ZNF737: variants seen among roughly 807,000 people sequenced by gnomAD.
ZNF737 encodes zinc finger protein 737.
ZNF737 carries 13 observed loss-of-function variants against 11.7 expected under a neutral mutation model. The observed-to-expected ratio is 1.11, with a 90% CI of 0.73 to 1.77. The LOEUF is 1.77. Ranked by LOEUF, ZNF737 falls within the 40% of genes most tolerant of loss-of-function variation. ZNF737 has a pLI of 0.00. For missense variants in ZNF737, 636 were observed against 638.0 expected (o/e 1.00, Z 0.03); for synonymous variants, 217 against 216.2 (o/e 1.00, Z -0.03).
chr19:20,549,350 C>A (rs1244221528), intron 3 of ZNF737, among the ~76,000 whole-genome samples: 2 of 152,084 alleles, frequency 1.3e-5, no homozygotes, highest in East Asian at 3.9e-4. Context: ...TACACTGAGG[C>A]CAGAGGCAGT....
chr19:20,541,739 A>AT lies in ZNF737; in HGVS notation c.*2852dup, dbSNP rs549341071. 8.5e-5 allele frequency among the ~76,000 whole-genome samples: 13 copies of AT among 152,292 alleles called. No individual in the cohort carries two copies. The South Asian group carries it at 2.5e-3, about 29-fold the overall frequency. ...CTGTGCCTGGCCGTATTTTATTTAC[A>AT]TTTTTGTATAATTATTATGATCATA... is the stretch of plus-strand genomic sequence containing the variant. On this transcript the variant is annotated 3_prime_UTR_variant, in exon 4 of 4. Transcript: ENST00000427401.
chr19:20,562,340 A>ATTTT (rs56851244), intron 1 of ZNF737, among the ~76,000 whole-genome samples: 1 of 123,752 alleles, frequency 8.1e-6, no homozygotes, highest in African/African-American at 3.0e-5. Context: ...CACCTGGCTA[A>ATTTT]TTTTTTTTTT....
At position 20,542,393 on chromosome 19, in the gene ZNF737, T is replaced by A. The variant is rs570771279; in HGVS notation, c.*2199A>T. ...ACAGGCATGCACCACCATGCCTGGCTAATTTTTTTTGTATTTTTAGTAGAG... is the reference window on the plus strand; with the variant it reads ...ACAGGCATGCACCACCATGCCTGGCAAATTTTTTTTGTATTTTTAGTAGAG... On this transcript the variant is annotated 3_prime_UTR_variant, in exon 4 of 4. Coordinates refer to ENST00000427401, the MANE Select transcript of ZNF737 (RefSeq NM_001159293.2). 1 of 353,638 alleles carries A rather than the reference T, an allele frequency of 2.8e-6. No individual in the cohort carries two copies. Among genetic ancestry groups the A allele is most frequent in the Admixed American group, 6.5e-5 (1 of 15,476 alleles). 21.9% of individuals were successfully genotyped at this position (353,638 alleles called of 1,614,324 possible). A position where few individuals can be genotyped will look rare whatever the true frequency, so the allele number is the denominator to read the frequency against.
At chr19:20,534,291 A>G (rs1290239866), downstream of ZNF737, among the ~76,000 whole-genome samples, 2 of 149,706 alleles carry the variant, frequency 1.3e-5, no homozygotes, top group African/African-American at 2.5e-5. Context: ...AAAATACATA[A>G]ATTAGCCAGG....
At position 20,538,604 on chromosome 19, in the gene ZNF737, G is replaced by A. The variant is rs1275002237; in HGVS notation, c.*5988C>T. ...TAAGAAAAATTAAATTTATTTTCAAGTGCTATTTCTTTACAGCTCCAGAGA... is the reference window on the plus strand; with the variant it reads ...TAAGAAAAATTAAATTTATTTTCAAATGCTATTTCTTTACAGCTCCAGAGA... On this transcript the variant is annotated 3_prime_UTR_variant, in exon 4 of 4. Coordinates refer to ENST00000427401, the MANE Select transcript of ZNF737 (RefSeq NM_001159293.2). 11 of 968,490 alleles carry A rather than the reference G, an allele frequency of 1.1e-5. No homozygotes were observed. The highest frequency in any genetic ancestry group is 1.2e-5 in the Non-Finnish European group (10 of 814,634). The allele number at this position is 968,490 out of a possible 1,614,324, so 60.0% of individuals were successfully genotyped here.
intron 1 of ZNF737, among the ~76,000 whole-genome samples, chr19:20,564,870 TA>T (rs1969237294): frequency 6.6e-6 from 1 of 151,248 alleles, no homozygotes; most frequent in Admixed American, 6.6e-5. Flanking sequence ...ATTACTACAT[TA>T]GGGGAAACAA....
intron 1 of ZNF737, among the ~76,000 whole-genome samples, chr19:20,556,797 C>T (rs1457132811): frequency 6.6e-6 from 1 of 152,194 alleles, no homozygotes; most frequent in African/African-American, 2.4e-5. Flanking sequence ...ACAACATGTA[C>T]ACATGTACTA....
At position 20,544,994 on chromosome 19, in the gene ZNF737, G is replaced by A. The variant is rs373070943; in HGVS notation, c.1209C>T (p.Gly403=). The part of the protein sequence containing the change: ...GEKPYKCEEC[G]EAFKYSSSLT... ...GGGAAGAGGAGTACTTAAAGGCTTC[G>A]CCACATTCTTCACATTTGTAGGGTT... The change falls in exon 4 of 4, where the codon GGC becomes GGT. Residue 403 remains glycine (G), a synonymous_variant. Coordinates refer to ENST00000427401, the MANE Select transcript of ZNF737 (RefSeq NM_001159293.2). The A allele has an allele frequency of 8.2e-5, 133 of 1,613,136 alleles. No individual in the cohort carries two copies. Among genetic ancestry groups the A allele is most frequent in the East Asian group, 4.5e-4 (20 of 44,808 alleles).
downstream of ZNF737, among the ~76,000 whole-genome samples, chr19:20,537,484 G>A (rs73010510): frequency 0.059 from 8,615 of 145,782 alleles, 305 homozygotes; most frequent in Middle Eastern, 0.18. Flanking sequence ...TTACAGGCGC[G>A]AGCCACCACA....
intron 1 of ZNF737, among the ~76,000 whole-genome samples, chr19:20,556,746 G>T (rs1468918860): frequency 2.0e-5 from 3 of 152,116 alleles, no homozygotes; most frequent in African/African-American, 7.2e-5. Context: ...GTTTACAGAG[G>T]AAACAAGGCA....
chr19:20,557,486 T>TAAAAAAAA (rs35068430), intron 1 of ZNF737, among the ~76,000 whole-genome samples: 1 of 135,984 alleles, frequency 7.4e-6, no homozygotes, highest in African/African-American at 2.7e-5. Flanking sequence ...TAAGCTTACC[T>TAAAAAAAA]AAAAAAAAAA....
chr19:20,539,056 G>GATTAC lies in ZNF737; in HGVS notation c.*5535_*5536insGTAAT. The GATTAC allele has an allele frequency of 2.1e-6, 2 of 946,964 alleles. No homozygotes were observed. Among genetic ancestry groups the GATTAC allele is most frequent in the Non-Finnish European group, 2.5e-6 (2 of 794,992 alleles). 58.7% of individuals were successfully genotyped at this position (946,964 alleles called of 1,614,324 possible). On this transcript the variant is annotated 3_prime_UTR_variant, in exon 4 of 4. Transcript: ENST00000427401. The stretch of plus-strand genomic sequence containing the variant: ...CATGCCTGTAATCCCAGCACTCTGG[G>GATTAC]AGGCTGAGGTGGATGGATCACCTGA...
rs34579625 is a variant in ZNF737, at chr19:20,540,988, A to ATTT, written c.*3601_*3603dup. On this transcript the variant is annotated 3_prime_UTR_variant, in exon 4 of 4. Coordinates refer to ENST00000427401, the MANE Select transcript of ZNF737 (RefSeq NM_001159293.2). ...TTCATTCAAATAAGTGTTAAAAATG[A>ATTT]TTTTTTTTTCCTGTTTTAAGAGGGC... 4 of 971,726 alleles carry ATTT rather than the reference A, an allele frequency of 4.1e-6. No homozygotes were observed. Among genetic ancestry groups the ATTT allele is most frequent in the Non-Finnish European group, 3.7e-6 (3 of 818,220 alleles). 60.2% of individuals were successfully genotyped at this position (971,726 alleles called of 1,614,324 possible). A position where few individuals can be genotyped will look rare whatever the true frequency, so the allele number is the denominator to read the frequency against.
downstream of ZNF737, among the ~76,000 whole-genome samples, chr19:20,537,694 T>C (rs1342424933): frequency 2.6e-5 from 4 of 151,022 alleles, no homozygotes; most frequent in African/African-American, 9.8e-5. Flanking sequence ...TTTTTGTATT[T>C]TTAGTAGAGA....
rs782116833 is a variant in ZNF737, at chr19:20,544,977, G to A, written c.1226C>T (p.Ser409Phe). 1.1e-5 allele frequency: 18 copies of A among 1,612,764 alleles called. No homozygotes were observed. Among genetic ancestry groups the A allele is most frequent in the Admixed American group, 1.0e-4 (6 of 59,848 alleles). Residue 409 changes from serine to phenylalanine, a missense_variant, in exon 4 of 4, where the codon TCC becomes TTC. Coordinates refer to ENST00000427401, the MANE Select transcript of ZNF737 (RefSeq NM_001159293.2). Reference sequence around the variant, plus strand: ...TATCTTATGTGTAGTAAGGGAAGAGGAGTACTTAAAGGCTTCGCCACATTC... The same window carrying A: ...TATCTTATGTGTAGTAAGGGAAGAGAAGTACTTAAAGGCTTCGCCACATTC... ...CEECGEAFKY[S>F]SSLTTHKIIH...
At chr19:20,530,956 G>A (rs868986567), downstream of ZNF737, among the ~76,000 whole-genome samples, 3 of 149,420 alleles carry the variant, frequency 2.0e-5, no homozygotes, top group East Asian at 2.0e-4. Context: ...CTGAGTTAAC[G>A]AGACTCCGTC....
At position 20,544,804 on chromosome 19, in the gene ZNF737, G is replaced by A. The variant is rs782498701; in HGVS notation, c.1399C>T (p.His467Tyr). The A allele has an allele frequency of 1.2e-6, 2 of 1,607,734 alleles. No homozygotes were observed. The highest frequency in any genetic ancestry group is 1.7e-6 in the Non-Finnish European group (2 of 1,177,684). ...TGAATTCTCTTATGTGCAGTAAGGTGTGAGGACGAGTTGAAGGCTTTGCCA... is the reference window on the plus strand; with the variant it reads ...TGAATTCTCTTATGTGCAGTAAGGTATGAGGACGAGTTGAAGGCTTTGCCA... ...ECGKAFNSSS[H>Y]LTAHKRIHTG... The change falls in exon 4 of 4, where the codon CAC becomes TAC. Residue 467 changes from histidine to tyrosine, a missense_variant. By Grantham distance (83) the His-to-Tyr change is moderately conservative. Transcript: ENST00000427401.
downstream of ZNF737, among the ~76,000 whole-genome samples, chr19:20,533,225 T>C (rs1967872099): frequency 1.3e-5 from 2 of 150,132 alleles, no homozygotes; most frequent in South Asian, 4.3e-4. Context: ...TGCAGCAGGA[T>C]GTATATCAGA....
chr19:20,535,961 T>G (rs1351700777), downstream of ZNF737: 52 of 568,814 alleles, frequency 9.1e-5, no homozygotes, highest in Non-Finnish European at 1.1e-4. Context: ...TTCTTCAGGA[T>G]TTTTCAGGGG....
Sources: allele counts gnomAD v4.1 joint callset (sites outside exome capture counted in the v4.1 genomes callset), GRCh38; gene constraint gnomAD v4.1.1; transcripts MANE v1.5; gene names NCBI Gene and HGNC (gene_info 2026-07-23, HGNC 2026-07-21).